Variants in PRR16 observed in about 807,000 individuals in gnomAD.
PRR16 encodes protein Largen.
A neutral mutation model predicts 18.2 loss-of-function variants in PRR16; 6 were observed. The ratio of observed to expected loss-of-function variants is 0.33; its 90% CI spans 0.18 to 0.65. The LOEUF is 0.65. PRR16 is among the 30% of genes least tolerant of loss of function. The probability of loss-of-function intolerance (pLI) is 0.74; values close to 1 mark genes in which losing one functional copy is unlikely to be tolerated. For missense variants in PRR16, 412 were observed against 376.6 expected (o/e 1.09, Z -0.78); for synonymous variants, 151 against 147.8 (o/e 1.02, Z -0.16).
At chr5:120,483,671 G>A (rs1749695335) in intron 1 of PRR16, among the ~76,000 whole-genome samples, 1 of 152,066 alleles carries the variant, frequency 6.6e-6, no homozygotes, top group African/African-American at 2.4e-5. Flanking sequence ...TTTTAATGCA[G>A]TCTTTAGCCT....
At chr5:120,489,633 C>G (rs1450322439) in intron 1 of PRR16, among the ~76,000 whole-genome samples, 5 of 152,208 alleles carry the variant, frequency 3.3e-5, no homozygotes, top group East Asian at 3.9e-4. Flanking sequence ...CTTTTAATTG[C>G]AGCATTTAGC....
intron 1 of PRR16, among the ~76,000 whole-genome samples, chr5:120,559,861 GAT>G (rs1752523058): frequency 6.6e-6 from 1 of 151,754 alleles, no homozygotes. Context: ...TCCTTGTAGA[GAT>G]ATTTCACTTC....
At position 120,565,132 on chromosome 5, in the gene PRR16, C is replaced by T. The variant is rs779008524; in HGVS notation, c.159+100487C>T. On this transcript the variant is annotated intron_variant, in intron 1 of 1. Transcript: ENST00000407149. ...CACATGGTATAGGATTCTATTCCAC[C>T]GTCTTGCTCTGCCCTCCTTCTCAGG... is the stretch of plus-strand genomic sequence containing the variant. 2.6e-5 allele frequency among the ~76,000 whole-genome samples: 4 copies of T among 152,070 alleles called. No homozygotes were observed. The South Asian group carries it at 8.3e-4, about 32-fold the overall frequency.
the PRR16 span, among the ~76,000 whole-genome samples, chr5:120,763,152 A>AAT: frequency 9.8e-5 from 12 of 122,576 alleles, no homozygotes; most frequent in Admixed American, 3.1e-4. Flanking sequence ...TTTTAATAGC[A>AAT]ATTTTTTTTT....
chr5:120,657,448 G>A (rs920293634), intron 1 of PRR16, among the ~76,000 whole-genome samples: 2 of 151,910 alleles, frequency 1.3e-5, no homozygotes, highest in African/African-American at 4.8e-5. Context: ...AAATCAAATT[G>A]TGTGGGAATA....
Position 120,508,771 on chromosome 5 carries a change from A to T in PRR16, c.159+44126A>T, listed in dbSNP as rs568677973. Reference sequence around the variant, plus strand: ...CAGGGATCATCTTAGGTTTTAAAGCATTAGTTTAAGGACAATAGCTATCAT... The same window carrying T: ...CAGGGATCATCTTAGGTTTTAAAGCTTTAGTTTAAGGACAATAGCTATCAT... On this transcript the variant is annotated intron_variant, in intron 1 of 1. Coordinates refer to ENST00000407149, the MANE Select transcript of PRR16 (RefSeq NM_001300783.2). Among the ~76,000 whole-genome samples the T allele has an allele frequency of 3.9e-4, 60 of 152,256 alleles. 1 individual carries two copies. Among genetic ancestry groups the T allele is most frequent in the Middle Eastern group, 6.8e-3 (2 of 294 alleles).
intron 1 of PRR16, among the ~76,000 whole-genome samples, chr5:120,643,894 A>G (rs1755505795): frequency 6.6e-6 from 1 of 152,066 alleles, no homozygotes; most frequent in South Asian, 2.1e-4. Flanking sequence ...AGTCCCAGCT[A>G]CTCAGGAAGC....
chr5:120,615,979 G>A (rs1054741621), intron 1 of PRR16, among the ~76,000 whole-genome samples: 1 of 152,106 alleles, frequency 6.6e-6, no homozygotes, highest in African/African-American at 2.4e-5. Context: ...AAATATTCAA[G>A]TTATTGTTGA....
the PRR16 span, among the ~76,000 whole-genome samples, chr5:120,773,923 A>G: frequency 1.3e-5 from 2 of 151,108 alleles, no homozygotes; most frequent in African/African-American, 4.9e-5. Flanking sequence ...AAGCATCTCT[A>G]TGTGTGGGTA....
At chr5:120,599,885 T>A (rs1233613108) in intron 1 of PRR16, among the ~76,000 whole-genome samples, 1 of 151,862 alleles carries the variant, frequency 6.6e-6, no homozygotes, top group Non-Finnish European at 1.5e-5. Context: ...GAGCTCCTGA[T>A]ATTCTCTAAC....
the PRR16 span, among the ~76,000 whole-genome samples, chr5:120,706,265 C>T: frequency 6.6e-6 from 1 of 151,988 alleles, no homozygotes; most frequent in African/African-American, 2.4e-5. Flanking sequence ...AGCAAGTCAT[C>T]ACCAGGCCTC....
At chr5:120,590,279 T>A (rs1753589626) in intron 1 of PRR16, among the ~76,000 whole-genome samples, 1 of 152,138 alleles carries the variant, frequency 6.6e-6, no homozygotes. Context: ...ATGCCCATCA[T>A]AATTTTTGCC....
At chr5:120,757,651 C>G in the PRR16 span, among the ~76,000 whole-genome samples, 4 of 152,056 alleles carry the variant, frequency 2.6e-5, no homozygotes, top group African/African-American at 9.6e-5. Flanking sequence ...TATTTCTAAA[C>G]ACAGAATCAT....
chr5:120,735,061 T>C, the PRR16 span, among the ~76,000 whole-genome samples: 1 of 152,222 alleles, frequency 6.6e-6, no homozygotes, highest in Admixed American at 6.5e-5. Flanking sequence ...TGCTACTTTC[T>C]GTTTCTATGA....
At chr5:120,530,277 ATATATATT>A (rs202049173) in intron 1 of PRR16, among the ~76,000 whole-genome samples, 13,072 of 125,508 alleles carry the variant, frequency 0.1, 761 homozygotes, top group Middle Eastern at 0.17. Context: ...ATATATATAT[ATATATATT>A]TATTTATTTA....
chr5:120,495,315 A>G (rs552550830), intron 1 of PRR16, among the ~76,000 whole-genome samples: 2 of 152,140 alleles, frequency 1.3e-5, no homozygotes, highest in South Asian at 4.1e-4. Flanking sequence ...TTTTTGAGTG[A>G]TTGTAAATAC....
the PRR16 span, among the ~76,000 whole-genome samples, chr5:120,764,641 A>G: frequency 6.6e-6 from 1 of 151,878 alleles, no homozygotes; most frequent in African/African-American, 2.4e-5. Context: ...AATCAAGGAA[A>G]AGATTAAATT....
At chr5:120,775,189 T>G in the PRR16 span, among the ~76,000 whole-genome samples, 6 of 152,180 alleles carry the variant, frequency 3.9e-5, no homozygotes, top group African/African-American at 1.4e-4. Flanking sequence ...TGTTGAAAAT[T>G]TACTCTTGAT....
chr5:120,706,771 AG>A, the PRR16 span, among the ~76,000 whole-genome samples: 1 of 152,222 alleles, frequency 6.6e-6, no homozygotes, highest in Non-Finnish European at 1.5e-5. Flanking sequence ...AGAGAAGTTA[AG>A]ATTAGTTCAA....
Sources: allele counts gnomAD v4.1 joint callset (sites outside exome capture counted in the v4.1 genomes callset), GRCh38; gene constraint gnomAD v4.1.1; transcripts MANE v1.5; gene names NCBI Gene and HGNC (gene_info 2026-07-23, HGNC 2026-07-21).